Variants in CIZ1 observed in about 807,000 individuals in gnomAD.
CIZ1 encodes CDKN1A interacting zinc finger protein 1.
In CIZ1, 58 loss-of-function variants were observed where a neutral mutation model predicts 118.6. The ratio of observed to expected loss-of-function variants is 0.49; its 90% CI spans 0.40 to 0.61. The LOEUF (loss-of-function observed/expected upper bound fraction) is 0.61, where lower values mean the gene tolerates loss of function less well. Ranked by LOEUF, CIZ1 falls within the 20% of genes least tolerant of loss-of-function variation. The pLI, the probability that CIZ1 is intolerant of heterozygous loss-of-function variation, is 0.00. For synonymous variants in CIZ1, 448 were observed against 443.4 expected, an observed-to-expected ratio of 1.01 and a Z score of -0.13; for missense variants, 921 against 1,115.9, an observed-to-expected ratio of 0.83 and a Z score of 2.49.
chr9:128,191,550 T>G lies in CIZ1; in HGVS notation c.-124A>C. ...GGGCTCCCGGCCTCCCCGCTGCTAC[T>G]CCGGGGCCTGTGGGCTCGTAAGGCC... On this transcript the variant is annotated 5_prime_UTR_variant, in exon 1 of 17. Transcript: ENST00000372938. This position sits in a 1 kb window ranked among gnomAD's most constrained non-coding sequence, Gnocchi z 5.5. 1 of 1,058,654 alleles carries G rather than the reference T, an allele frequency of 9.4e-7. No individual in the cohort carries two copies. The highest frequency in any genetic ancestry group is 1.1e-6 in the Non-Finnish European group (1 of 877,274). 65.6% of individuals were successfully genotyped at this position (1,058,654 alleles called of 1,614,324 possible).
intron 14 of CIZ1, 61 bp from the exon 15 acceptor site, chr9:128,167,225 G>A (rs533825245): frequency 1.5e-6 from 2 of 1,340,982 alleles, no homozygotes; most frequent in South Asian, 2.9e-5. Context: ...CCAGACACAG[G>A]TCGGGGGCCT....
chr9:128,166,793 T>C lies in CIZ1; in HGVS notation c.2453A>G (p.His818Arg). The change falls in exon 16 of 17, where the codon CAC becomes CGC. Residue 818 changes from histidine to arginine, a missense_variant. Coordinates refer to ENST00000372938, the MANE Select transcript of CIZ1 (RefSeq NM_001131016.2). The surrounding 1 kb of genome is among the most constrained non-coding windows in gnomAD (Gnocchi z 4.4). ...CTCAAAGTGGCCCAGGGACTTGCAG[T>C]GGGAGAGCTGTGCCCCTGAGTTGCT... ...YHSNSGAQLS[H>R]CKSLGHFENL... is the part of the protein sequence containing the mutation. The C allele has an allele frequency of 6.2e-7, 1 of 1,614,154 alleles. No individual in the cohort carries two copies. Among genetic ancestry groups the C allele is most frequent in the South Asian group, 1.1e-5 (1 of 91,082 alleles).
chr9:128,185,760 A>T lies in CIZ1; in HGVS notation c.375T>A (p.Tyr125Ter), dbSNP rs1564289779. ...PTATLGNLRGYGMASPGLAAP... is the reference protein window; with the variant it reads ...PTATLGNLRG ...CTGCGAGGCCTGGGGATGCCATGCC[A>T]TAGCCTCGGAGGTTACCTGCAGGCA... Residue 125 changes from tyrosine (Y) to a stop codon, truncating the protein, a stop_gained, in exon 5 of 17, where the codon TAT becomes TAA. Transcript: ENST00000372938. LOFTEE classifies it high-confidence loss of function. 1 of 1,613,332 alleles carries T rather than the reference A, an allele frequency of 6.2e-7. No individual in the cohort carries two copies. Among genetic ancestry groups the T allele is most frequent in the Non-Finnish European group, 8.5e-7 (1 of 1,179,534 alleles).
In CIZ1 at chr9:128,203,618, A is replaced by G; in HGVS notation, c.-6+568T>C. ...CGCCGGCAAGAGCTCGGTGCTCGAG[A>G]ATTTCGTAGGCAGGTAGGCGCGGCG... On this transcript the variant is annotated intron_variant, in intron 1 of 17. Coordinates refer to the CIZ1 transcript ENST00000372948. The surrounding 1 kb of genome is among the most constrained non-coding windows in gnomAD (Gnocchi z 5.3). The G allele has an allele frequency of 6.5e-7, 1 of 1,539,462 alleles. No homozygotes were observed. The highest frequency in any genetic ancestry group is 8.7e-7 in the Non-Finnish European group (1 of 1,148,852).
At position 128,179,351 on chromosome 9, in the gene CIZ1, G is replaced by A. The variant is rs749504246; in HGVS notation, c.856C>T (p.Arg286Trp). The A allele has an allele frequency of 6.7e-5, 108 of 1,613,692 alleles. No homozygotes were observed. The highest frequency in any genetic ancestry group is 1.1e-4 in the South Asian group (10 of 91,046). Residue 286 changes from arginine (R) to tryptophan (W), a missense_variant, in exon 8 of 17, where the codon CGG becomes TGG. Transcript: ENST00000372938. ...TGTGTCTGTTTCGGTACTGTCATCC[G>A]GGCCTGCGGCTGGGCCTTCACCTGT... ...QLQVKAQPQA[R>W]MTVPKQTQTP...
intron 11 of CIZ1, among the ~76,000 whole-genome samples, chr9:128,172,104 C>T (rs1020213157): frequency 2.2e-4 from 27 of 120,818 alleles, no homozygotes; most frequent in African/African-American, 7.5e-4. Flanking sequence ...GCTGTGATCA[C>T]ACCACTACGC....
Position 128,166,665 on chromosome 9 carries a change from T to C in CIZ1, c.2487+94A>G, listed in dbSNP as rs1434466994. On this transcript the variant is annotated intron_variant, in intron 16 of 16. Transcript: ENST00000372938. The surrounding 1 kb of genome is among the most constrained non-coding windows in gnomAD (Gnocchi z 4.4). The stretch of plus-strand genomic sequence containing the variant: ...GGGTGGTGCCTGGGGATTGAGGCCC[T>C]GCACAAGAGGGAGTGGCCACTAGCC... The C allele has an allele frequency of 3.3e-6, 5 of 1,507,994 alleles. No homozygotes were observed. Among genetic ancestry groups the C allele is most frequent in the Non-Finnish European group, 4.6e-6 (5 of 1,090,308 alleles). The allele number at this position is 1,507,994 out of a possible 1,614,324, so 93.4% of individuals were successfully genotyped here. A position where few individuals can be genotyped will look rare whatever the true frequency, so the allele number is the denominator to read the frequency against.
chr9:128,186,063 T>C (rs1832329187), intron 4 of CIZ1, among the ~76,000 whole-genome samples: 1 of 152,010 alleles, frequency 6.6e-6, no homozygotes, highest in African/African-American at 2.4e-5. Flanking sequence ...CTTTAGAGTC[T>C]GCCATAGAGT....
chr9:128,177,546 C>CCCAAA lies in CIZ1; in HGVS notation c.1818+19_1818+20insTTTGG. The CCCAAA allele has an allele frequency of 7.4e-7, 1 of 1,353,458 alleles. No individual in the cohort carries two copies. Among genetic ancestry groups the CCCAAA allele is most frequent in the Non-Finnish European group, 9.9e-7 (1 of 1,013,754 alleles). 83.8% of individuals were successfully genotyped at this position (1,353,458 alleles called of 1,614,324 possible). The stretch of plus-strand genomic sequence containing the variant: ...CACGCAGGCCCCACCCCTCCCCACC[C>CCCAAA]TTATCTCCTGTATCAGTACCTGCTG... On this transcript the variant is annotated intron_variant, in intron 10 of 16. Transcript: ENST00000372938.
At chr9:128,171,751 T>G (rs899196220) in intron 11 of CIZ1, among the ~76,000 whole-genome samples, 4 of 151,422 alleles carry the variant, frequency 2.6e-5, no homozygotes, top group African/African-American at 9.7e-5. Flanking sequence ...AATAAATAAA[T>G]AAATAAATAA....
intron 1 of CIZ1, chr9:128,197,934 A>G (rs781046573): frequency 1.3e-5 from 2 of 152,258 alleles, no homozygotes; most frequent in African/African-American, 4.8e-5. Flanking sequence ...TTGGGAGGTA[A>G]AATGATTTGC....
intron 11 of CIZ1, among the ~76,000 whole-genome samples, chr9:128,173,955 G>A (rs1035383234): frequency 1.2e-4 from 18 of 151,958 alleles, no homozygotes; most frequent in East Asian, 1.9e-4. Context: ...GCAGTGAGCC[G>A]AGATCGCGCC....
intron 1 of CIZ1, chr9:128,200,246 G>A (rs141999096): frequency 3.2e-4 from 48 of 152,128 alleles, no homozygotes; most frequent in African/African-American, 9.2e-4. Flanking sequence ...GCCAGAGAAC[G>A]ATCCCTAAGC....
At chr9:128,183,321 A>G (rs2130982864) in intron 5 of CIZ1, among the ~76,000 whole-genome samples, 1 of 152,280 alleles carries the variant, frequency 6.6e-6, no homozygotes, top group South Asian at 2.1e-4. Context: ...CGCAGGACCA[A>G]CCGCACCCCA....
At chr9:128,184,934 T>C (rs1203482111) in intron 5 of CIZ1, among the ~76,000 whole-genome samples, 5 of 152,078 alleles carry the variant, frequency 3.3e-5, no homozygotes, top group African/African-American at 1.2e-4. Flanking sequence ...CCTCCTAAAG[T>C]ACTGGGATTA....
intron 3 of CIZ1, among the ~76,000 whole-genome samples, 157 bp from the exon 4 acceptor site, chr9:128,188,091 T>TAAAAAAAAAAA (rs1564294678): frequency 3.7e-5 from 1 of 26,888 alleles, no homozygotes; most frequent in Non-Finnish European, 8.8e-5. Context: ...AACAAAAAAT[T>TAAAAAAAAAAA]AAAAAAAGCA....
In CIZ1 at chr9:128,178,880, C is replaced by T. The variant is rs113931418; in HGVS notation, c.1327G>A (p.Val443Ile). Reference protein sequence around the residue: ...PQVHTQAQPSVQPQEHPPAQV... With the variant: ...PQVHTQAQPSIQPQEHPPAQV... ...GCTGGAGGATGCTCCTGTGGCTGGA[C>T]GCTTGGCTGTGCCTGTGTGTGGACC... The change falls in exon 8 of 17, where the codon GTC (valine) becomes ATC (isoleucine). Residue 443 changes from valine to isoleucine, a missense_variant. Coordinates refer to ENST00000372938, the MANE Select transcript of CIZ1 (RefSeq NM_001131016.2). The T allele has an allele frequency of 2.1e-4, 335 of 1,614,232 alleles. 1 individual carries two copies. The highest frequency in any genetic ancestry group is 3.2e-4 in the African/African-American group (24 of 75,072).
At position 128,190,414 on chromosome 9, in the gene CIZ1, C is replaced by T. The variant is rs921546194; in HGVS notation, c.201G>A (p.Pro67=). ...AGTTGGTGCCCTGGAGATTCAGAAG[C>T]GGCTGCTGTGGCTGCTGCGGGGGGA... The part of the protein sequence containing the change: ...RGLPPQQPQQ[P]LLNLQGTNSA... The change falls in exon 3 of 17, where the codon CCG becomes CCA. Residue 67 remains proline (P), a synonymous_variant. Coordinates refer to ENST00000372938, the MANE Select transcript of CIZ1 (RefSeq NM_001131016.2). The T allele has an allele frequency of 1.4e-5, 23 of 1,613,622 alleles. No individual in the cohort carries two copies. Among genetic ancestry groups the T allele is most frequent in the African/African-American group, 5.3e-5 (4 of 74,912 alleles).
At chr9:128,180,935 C>A (rs1446868928) in intron 5 of CIZ1, 121 bp from the exon 6 acceptor site, 3 of 723,172 alleles carry the variant, frequency 4.1e-6, no homozygotes, top group Non-Finnish European at 7.1e-6. Context: ...CTCTGGTGGG[C>A]CTGGCCCCAG....
Sources: allele counts gnomAD v4.1 joint callset (sites outside exome capture counted in the v4.1 genomes callset), GRCh38; gene constraint gnomAD v4.1.1; non-coding constraint Gnocchi (gnomAD v3.1); transcripts MANE v1.5; gene names NCBI Gene and HGNC (gene_info 2026-07-23, HGNC 2026-07-21).